The following NCR2 variants were observed in gnomAD, a reference collection of about 807,000 sequenced individuals.
NCR2 encodes the protein NK cell activating receptor (NKp44).
Under a neutral mutation model 30.7 loss-of-function variants are expected in NCR2, and 35 were observed. That is an observed-to-expected ratio of 1.14 (90% CI 0.87 to 1.51). The LOEUF (loss-of-function observed/expected upper bound fraction) is 1.51, where lower values mean the gene tolerates loss of function less well. NCR2 is among the 40% of genes most tolerant of loss of function. The probability of loss-of-function intolerance (pLI) is 0.00; values close to 1 mark genes in which losing one functional copy is unlikely to be tolerated. For missense variants in NCR2, 316 were observed against 328.9 expected, an observed-to-expected ratio of 0.96 and a Z score of 0.30; for synonymous variants, 146 against 134.8, an observed-to-expected ratio of 1.08 and a Z score of -0.58.
At chr6:41,345,283 T>C (rs1769274778) in intron 4 of NCR2, among the ~76,000 whole-genome samples, 1 of 152,056 alleles carries the variant, frequency 6.6e-6, no homozygotes, top group African/African-American at 2.4e-5. Flanking sequence ...GCACCTCCCA[T>C]TTCTCCAACT....
chr6:41,344,060 G>A, intron 4 of NCR2, among the ~76,000 whole-genome samples: 1 of 151,972 alleles, frequency 6.6e-6, no homozygotes, highest in Admixed American at 6.6e-5. Context: ...CTGGCACTCG[G>A]ACCACTGTGT....
chr6:41,340,972 C>T (rs538366480), intron 2 of NCR2, among the ~76,000 whole-genome samples: 10 of 152,246 alleles, frequency 6.6e-5, no homozygotes, highest in South Asian at 4.1e-4. Flanking sequence ...CTCCTCCAGG[C>T]CCCTCCCAGC....
intron 2 of NCR2, among the ~76,000 whole-genome samples, 179 bp from the exon 3 acceptor site, chr6:41,341,615 G>A (rs2236368): frequency 0.11 from 16,900 of 152,048 alleles, 1,293 homozygotes; most frequent in East Asian, 0.31. Context: ...GGCCACAGGT[G>A]TGTCTAATTC....
In NCR2 at chr6:41,350,729, A is replaced by G; in HGVS notation, c.696A>G (p.Gln232=). The change falls in exon 5 of 5, where the codon CAA becomes CAG. Residue 232 remains glutamine, a synonymous_variant. Coordinates refer to ENST00000373089, the MANE Select transcript of NCR2 (RefSeq NM_004828.4). ...TMMELRSLDT[Q]KATCHLQQVT... is the part of the protein sequence containing the mutation. ...TGGAGCTCAGGAGCCTGGATACCCAAAAAGCCACCTGCCACCTTCAACAGG... is the reference window on the plus strand; with the variant it reads ...TGGAGCTCAGGAGCCTGGATACCCAGAAAGCCACCTGCCACCTTCAACAGG... 6.2e-7 allele frequency: 1 copy of G among 1,614,082 alleles called. No individual in the cohort carries two copies. The highest frequency in any genetic ancestry group is 8.5e-7 in the Non-Finnish European group (1 of 1,179,928).
intron 4 of NCR2, among the ~76,000 whole-genome samples, chr6:41,343,879 G>C (rs1769239131): frequency 6.6e-6 from 1 of 152,118 alleles, no homozygotes; most frequent in African/African-American, 2.4e-5. Context: ...TGGGCCTAGT[G>C]CAGGAGCTCA....
chr6:41,343,339 C>T (rs925417048), intron 4 of NCR2, among the ~76,000 whole-genome samples: 3 of 152,174 alleles, frequency 2.0e-5, no homozygotes, highest in Non-Finnish European at 2.9e-5. Context: ...AGGCCTGGAA[C>T]GCTGGTGGCT....
intron 4 of NCR2, among the ~76,000 whole-genome samples, chr6:41,342,756 G>A (rs879243934): frequency 1.3e-5 from 2 of 152,120 alleles, no homozygotes; most frequent in African/African-American, 4.8e-5. Flanking sequence ...CAGGGAGAAG[G>A]GGACACATGG....
chr6:41,336,662 C>T (rs190469967), intron 2 of NCR2, among the ~76,000 whole-genome samples: 66 of 152,254 alleles, frequency 4.3e-4, no homozygotes, highest in African/African-American at 7.0e-4. Context: ...GAAACAGACC[C>T]GGTGAGCATG....
chr6:41,350,853 C>T lies in NCR2; in HGVS notation c.820C>T (p.His274Tyr), dbSNP rs544900768. Residue 274 changes from histidine to tyrosine, a missense_variant, in exon 5 of 5, where the codon CAC (histidine) becomes TAC (tyrosine). Physicochemically the swap from His to Tyr is moderately conservative, Grantham distance 83 (BLOSUM62 2). Coordinates refer to ENST00000373089, the MANE Select transcript of NCR2 (RefSeq NM_004828.4). ...TAAGATAAGCGATGATGATGATGAA[C>T]ACACTTTGTGAATAATAAAATTATC... ...RTKISDDDDE[H>Y]TL 1.2e-6 allele frequency: 1 copy of T among 856,340 alleles called. No homozygotes were observed. Among genetic ancestry groups the T allele is most frequent in the African/African-American group, 1.7e-5 (1 of 59,806 alleles). 53.0% of individuals were successfully genotyped at this position (856,340 alleles called of 1,614,324 possible).
rs558182529 is a variant in NCR2 at position 41,345,509 on chromosome 6, C to T, written c.644+3360C>T. Among the ~76,000 whole-genome samples the T allele has an allele frequency of 5.9e-5, 9 of 152,168 alleles. No homozygotes were observed. In the South Asian group the frequency reaches 1.7e-3, roughly 28 times the overall value. Reference sequence around the variant, plus strand: ...AGGGACCCCAGATTTTCCATCAAAACACCCCTCCCCAGCACCCGCCACCAA... The same window carrying T: ...AGGGACCCCAGATTTTCCATCAAAATACCCCTCCCCAGCACCCGCCACCAA... On this transcript the variant is annotated intron_variant, in intron 4 of 4. Coordinates refer to ENST00000373089, the MANE Select transcript of NCR2 (RefSeq NM_004828.4).
intron 4 of NCR2, among the ~76,000 whole-genome samples, chr6:41,348,755 G>A (rs1337087214): frequency 3.9e-5 from 6 of 151,978 alleles, no homozygotes; most frequent in Admixed American, 2.0e-4. Flanking sequence ...GTCCAATCTG[G>A]CAGTGTTTTG....
intron 4 of NCR2, among the ~76,000 whole-genome samples, chr6:41,342,387 C>CCT (rs757127866): frequency 1.3e-4 from 19 of 151,696 alleles, no homozygotes; most frequent in Non-Finnish European, 1.9e-4. Context: ...TGTGTTTTCT[C>CCT]CTCTCTCTCT....
At chr6:41,337,427 T>A (rs1481343193) in intron 2 of NCR2, among the ~76,000 whole-genome samples, 2 of 152,204 alleles carry the variant, frequency 1.3e-5, no homozygotes, top group African/African-American at 4.8e-5. Flanking sequence ...TAAAACTAAG[T>A]ACAAAGCTAG....
chr6:41,342,372 G>T (rs1010627285), intron 4 of NCR2, among the ~76,000 whole-genome samples: 1 of 151,842 alleles, frequency 6.6e-6, no homozygotes, highest in Admixed American at 6.6e-5. Flanking sequence ...ATGTTTCTCT[G>T]TCTCTGTGTT....
chr6:41,340,913 C>T (rs1322845795), intron 2 of NCR2, among the ~76,000 whole-genome samples: 1 of 152,088 alleles, frequency 6.6e-6, no homozygotes, highest in Non-Finnish European at 1.5e-5. Flanking sequence ...CAGGGAGGAC[C>T]TTCCAGGGCA....
intron 4 of NCR2, among the ~76,000 whole-genome samples, chr6:41,347,476 C>T (rs1281351934): frequency 6.6e-6 from 1 of 152,194 alleles, no homozygotes; most frequent in Non-Finnish European, 1.5e-5. Context: ...TATGCCACTC[C>T]TTGAAACACC....
At chr6:41,348,298 G>C (rs1769349943) in intron 4 of NCR2, among the ~76,000 whole-genome samples, 1 of 152,180 alleles carries the variant, frequency 6.6e-6, no homozygotes, top group Non-Finnish European at 1.5e-5. Context: ...AGGTCCAGGT[G>C]TGGAGGAAAT....
At chr6:41,336,526 C>T (rs1769036553) in intron 2 of NCR2, 98 bp downstream of exon 2, 1 of 980,110 alleles carries the variant, frequency 1.0e-6, no homozygotes, top group South Asian at 1.5e-5. Flanking sequence ...CACCCATGCC[C>T]ACGCCCCAGT....
chr6:41,350,585 G>A (rs897246968), intron 4 of NCR2, 93 bp from the exon 5 acceptor site: 24 of 1,111,832 alleles, frequency 2.2e-5, no homozygotes, highest in Admixed American at 2.0e-4. Flanking sequence ...CCAACCCTGC[G>A]AGTAGTGGGA....
Sources: allele counts gnomAD v4.1 joint callset (sites outside exome capture counted in the v4.1 genomes callset), GRCh38; gene constraint gnomAD v4.1.1; transcripts MANE v1.5; gene names NCBI Gene and HGNC (gene_info 2026-07-23, HGNC 2026-07-21).